The following ZMIZ1 variants were observed in gnomAD, a reference collection of about 807,000 sequenced individuals.
ZMIZ1 encodes the protein zinc finger MIZ domain-containing protein 1.
In ZMIZ1, 17 loss-of-function variants were observed where a neutral mutation model predicts 113.9. The observed-to-expected ratio is 0.15, with a 90% CI of 0.10 to 0.22. ZMIZ1 has a LOEUF of 0.22. ZMIZ1 is among the 10% of genes least tolerant of loss of function. The pLI, the probability that ZMIZ1 is intolerant of heterozygous loss-of-function variation, is 1.00. For synonymous variants in ZMIZ1, 607 were observed against 603.1 expected (o/e 1.01, Z -0.09); for missense variants, 1,059 against 1,477.8 (o/e 0.72, Z 4.65).
chr10:79,160,716 C>A (rs1300913904), intron 3 of ZMIZ1, among the ~76,000 whole-genome samples: 1 of 152,250 alleles, frequency 6.6e-6, no homozygotes, highest in Non-Finnish European at 1.5e-5. Flanking sequence ...CCTGCCTGTG[C>A]ACAGTGAGGT....
At chr10:79,264,434 A>C (rs1303040139) in intron 7 of ZMIZ1, among the ~76,000 whole-genome samples, 6 of 151,860 alleles carry the variant, frequency 4.0e-5, no homozygotes, top group Non-Finnish European at 8.8e-5. Context: ...GACTGTAACC[A>C]CCCATCCCCT....
At chr10:79,208,914 T>C (rs1848436465) in intron 6 of ZMIZ1, among the ~76,000 whole-genome samples, 1 of 152,204 alleles carries the variant, frequency 6.6e-6, no homozygotes, top group African/African-American at 2.4e-5. Flanking sequence ...TGATCTCTCA[T>C]TGATCATGTA....
At position 79,298,391 on chromosome 10, in the gene ZMIZ1, T is replaced by A; in HGVS notation, c.1492-15T>A. ...GTAATCCCATAACTCGTGCGTGTCT[T>A]TTCTTTCCCTCCAGCCTCCCAGGCC... On this transcript the variant is annotated splice_polypyrimidine_tract_variant and intron_variant, in intron 14 of 24. Transcript: ENST00000334512. 1 of 1,605,812 alleles carries A rather than the reference T, an allele frequency of 6.2e-7. No individual in the cohort carries two copies. Among genetic ancestry groups the A allele is most frequent in the African/African-American group, 1.3e-5 (1 of 74,282 alleles).
chr10:79,107,413 G>T (rs1380573995), intron 1 of ZMIZ1, among the ~76,000 whole-genome samples: 1 of 152,212 alleles, frequency 6.6e-6, no homozygotes, highest in African/African-American at 2.4e-5. Flanking sequence ...CGGGGCTCTT[G>T]TGAGTATTAC....
intron 2 of ZMIZ1, among the ~76,000 whole-genome samples, chr10:79,130,143 C>G (rs1844691694): frequency 6.6e-6 from 1 of 152,216 alleles, no homozygotes; most frequent in Non-Finnish European, 1.5e-5. Context: ...CTCTCAGCAT[C>G]TCACCCCTGC....
At chr10:79,285,595 C>T (rs764177308) in intron 8 of ZMIZ1, 3 of 455,988 alleles carry the variant, frequency 6.6e-6, no homozygotes. Flanking sequence ...ACGAAATGGA[C>T]ATATTCATTT....
chr10:79,156,127 A>G (rs1029445862), intron 3 of ZMIZ1, among the ~76,000 whole-genome samples: 2 of 147,224 alleles, frequency 1.4e-5, no homozygotes, highest in African/African-American at 2.5e-5. Flanking sequence ...GATAGCAGGC[A>G]TTGTCATCAG....
chr10:79,285,808 A>C (rs1853040508), intron 8 of ZMIZ1, among the ~76,000 whole-genome samples: 1 of 152,248 alleles, frequency 6.6e-6, no homozygotes, highest in South Asian at 2.1e-4. Flanking sequence ...GAGCCAGTGG[A>C]GTTCAGTACC....
At chr10:79,243,577 CCGGGGCGCGGAGCGGGGATGCAGGCGG>C in intron 7 of ZMIZ1, 1 of 147,302 alleles carries the variant, frequency 6.8e-6, no homozygotes, top group Non-Finnish European at 1.5e-5. Flanking sequence ...GCCGCCGCCG[CCGGGGCGCGGAGCGGGGATGCAGGCGG>C]CGCCCGCTGC....
intron 7 of ZMIZ1, among the ~76,000 whole-genome samples, chr10:79,247,972 A>G (rs1430186715): frequency 2.0e-5 from 3 of 152,094 alleles, no homozygotes; most frequent in Non-Finnish European, 4.4e-5. Flanking sequence ...CCTCATCTTT[A>G]TCTCATCTCT....
intron 6 of ZMIZ1, 141 bp downstream of exon 6, chr10:79,208,590 G>T: frequency 2.8e-6 from 2 of 716,792 alleles, no homozygotes; most frequent in Non-Finnish European, 4.6e-6. Flanking sequence ...GGTGCTGGGG[G>T]GATGGCCCTA....
intron 4 of ZMIZ1, among the ~76,000 whole-genome samples, chr10:79,198,846 C>T (rs568591443): frequency 6.6e-6 from 1 of 152,144 alleles, no homozygotes; most frequent in Admixed American, 6.5e-5. Flanking sequence ...CCAGCCTGGC[C>T]AGTATGGTGA....
intron 3 of ZMIZ1, among the ~76,000 whole-genome samples, chr10:79,145,194 C>T (rs886473188): frequency 4.6e-5 from 7 of 152,064 alleles, no homozygotes; most frequent in Admixed American, 1.3e-4. Context: ...CCTTGCCTCT[C>T]ACTCTTCCTC....
At chr10:79,121,852 C>T (rs1487407949) in intron 2 of ZMIZ1, among the ~76,000 whole-genome samples, 4 of 152,142 alleles carry the variant, frequency 2.6e-5, no homozygotes. Context: ...CAGCAGAAGG[C>T]TCAGCTCCAC....
chr10:79,096,673 G>A (rs1843181223), intron 1 of ZMIZ1, among the ~76,000 whole-genome samples: 1 of 152,304 alleles, frequency 6.6e-6, no homozygotes, highest in African/African-American at 2.4e-5. Flanking sequence ...GGCTCCTTCA[G>A]TCAATGCCTG....
chr10:79,083,789 T>C (rs982525086), intron 1 of ZMIZ1, among the ~76,000 whole-genome samples: 1 of 152,230 alleles, frequency 6.6e-6, no homozygotes, highest in African/African-American at 2.4e-5. Context: ...GGAATGCCTG[T>C]CCACCTCCGT....
chr10:79,237,978 CAGTT>C (rs768588367), intron 7 of ZMIZ1, among the ~76,000 whole-genome samples: 3 of 152,218 alleles, frequency 2.0e-5, no homozygotes, highest in Non-Finnish European at 2.9e-5. Flanking sequence ...TGCAGCGCCT[CAGTT>C]AGCCAGGAGA....
chr10:79,283,582 G>A (rs1334887498), intron 8 of ZMIZ1, among the ~76,000 whole-genome samples: 1 of 152,172 alleles, frequency 6.6e-6, no homozygotes. Context: ...GCTCGGTTTT[G>A]CATAGCTTCA....
At position 79,289,757 on chromosome 10, in the gene ZMIZ1, C is replaced by T. The variant is rs374100361; in HGVS notation, c.426-18C>T. The T allele has an allele frequency of 1.2e-6, 2 of 1,608,932 alleles. No homozygotes were observed. Among genetic ancestry groups the T allele is most frequent in the East Asian group, 4.5e-5 (2 of 44,804 alleles). ...TGCCTGCCAGGCCCTGAAGATCTCCCTCTGTCTCCCTCTGCAGTGATGGGT... is the reference window on the plus strand; with the variant it reads ...TGCCTGCCAGGCCCTGAAGATCTCCTTCTGTCTCCCTCTGCAGTGATGGGT... On this transcript the variant is annotated intron_variant, in intron 8 of 24. Transcript: ENST00000334512.
Sources: gnomAD v4.1 joint callset for allele counts (sites outside exome capture counted in the v4.1 genomes callset) on GRCh38, gnomAD v4.1.1 for gene constraint, MANE v1.5 for transcripts, NCBI Gene and HGNC (gene_info 2026-07-23, HGNC 2026-07-21) for gene names.